The following TSHZ2 variants were observed in gnomAD, a reference collection of about 807,000 sequenced individuals.
The protein encoded by TSHZ2 is teashirt homolog 2.
Under a neutral mutation model 74.4 loss-of-function variants are expected in TSHZ2, and 21 were observed. The observed-to-expected ratio is 0.28, with a 90% CI of 0.20 to 0.41. The LOEUF is 0.41. TSHZ2 is among the 10% of genes least tolerant of loss of function. The pLI is 1.00. For missense variants in TSHZ2, 1,244 were observed against 1,293.5 expected (o/e 0.96, Z 0.59); for synonymous variants, 540 against 515.3 (o/e 1.05, Z -0.65).
At chr20:53,126,973 CAGAG>C (rs1039084971) in intron 1 of TSHZ2, among the ~76,000 whole-genome samples, 11 of 150,844 alleles carry the variant, frequency 7.3e-5, no homozygotes, top group African/African-American at 2.7e-4. Flanking sequence ...CAACATGTAG[CAGAG>C]AGACTGGCTT....
intron 2 of TSHZ2, among the ~76,000 whole-genome samples, chr20:53,384,904 C>T (rs1981988614): frequency 6.6e-6 from 1 of 152,144 alleles, no homozygotes; most frequent in South Asian, 2.1e-4. Flanking sequence ...GGGTGGGTCA[C>T]GAGGTCAGGA....
At chr20:53,238,350 C>G (rs574236794) in intron 1 of TSHZ2, among the ~76,000 whole-genome samples, 1 of 152,172 alleles carries the variant, frequency 6.6e-6, no homozygotes, top group Admixed American at 6.5e-5. Context: ...AGGGGAGGAA[C>G]TAGTATGTCT....
chr20:53,266,665 C>T (rs1990721960), intron 2 of TSHZ2, among the ~76,000 whole-genome samples: 1 of 151,958 alleles, frequency 6.6e-6, no homozygotes, highest in African/African-American at 2.4e-5. Context: ...TGTGCATGTA[C>T]TTTTTTCTCA....
intron 1 of TSHZ2, among the ~76,000 whole-genome samples, chr20:53,028,428 C>G (rs902042057): frequency 1.8e-4 from 27 of 152,358 alleles, no homozygotes; most frequent in African/African-American, 6.5e-4. Context: ...GAACCCTGGG[C>G]TTTGTTTATT....
At chr20:53,107,560 A>G (rs1412562272) in intron 1 of TSHZ2, among the ~76,000 whole-genome samples, 1 of 152,212 alleles carries the variant, frequency 6.6e-6, no homozygotes, top group African/African-American at 2.4e-5. Flanking sequence ...TTTCTGAGCC[A>G]AAATCAGGAC....
chr20:53,201,451 A>G (rs1989002119), intron 1 of TSHZ2, among the ~76,000 whole-genome samples: 3 of 152,066 alleles, frequency 2.0e-5, no homozygotes, highest in Admixed American at 2.0e-4. Context: ...CTGCTGTCGT[A>G]TCACCTTCCC....
At chr20:53,204,360 C>CTAT (rs1453752816) in intron 1 of TSHZ2, among the ~76,000 whole-genome samples, 2 of 143,876 alleles carry the variant, frequency 1.4e-5, no homozygotes, top group African/African-American at 5.1e-5. Context: ...TGATATGATA[C>CTAT]TATATCATCA....
intron 2 of TSHZ2, among the ~76,000 whole-genome samples, chr20:53,464,763 C>T (rs1279306479): frequency 6.6e-6 from 1 of 152,082 alleles, no homozygotes; most frequent in East Asian, 1.9e-4. Flanking sequence ...CCACCACGCC[C>T]AGTCAGTATT....
chr20:53,174,880 A>G (rs888500323), intron 1 of TSHZ2, among the ~76,000 whole-genome samples: 4 of 152,180 alleles, frequency 2.6e-5, no homozygotes, highest in Admixed American at 1.3e-4. Context: ...GAAGGAGGAA[A>G]TGGATCAAGA....
chr20:53,256,314 A>G lies in TSHZ2; in HGVS notation c.2856A>G (p.Gln952=), dbSNP rs1451466192. 2.5e-5 allele frequency: 40 copies of G among 1,614,080 alleles called. No individual in the cohort carries two copies. The highest frequency in any genetic ancestry group is 3.3e-5 in the Non-Finnish European group (39 of 1,179,942). ...ISHLESHLGF[Q]MKDMTRLSVD... is the part of the protein sequence containing the mutation. ...ACTTAGAATCTCACCTGGGTTTCCA[A>G]ATGAAGGACATGACCCGCTTGTCAG... is the stretch of plus-strand genomic sequence containing the variant. Residue 952 remains glutamine (Q), a synonymous_variant, in exon 2 of 3, where the codon CAA becomes CAG. Transcript: ENST00000371497. This position sits in a 1 kb window ranked among gnomAD's most constrained non-coding sequence, Gnocchi z 4.3.
chr20:52,986,496 G>A (rs1447850444), intron 1 of TSHZ2, among the ~76,000 whole-genome samples: 1 of 151,680 alleles, frequency 6.6e-6, no homozygotes, highest in Non-Finnish European at 1.5e-5. Flanking sequence ...ATGGGAAGCC[G>A]AGGTGGCAGA....
Position 53,487,507 on chromosome 20 carries a change from G to A in TSHZ2, c.*372G>A, listed in dbSNP as rs1393343317. On this transcript the variant is annotated 3_prime_UTR_variant, in exon 3 of 3. Coordinates refer to ENST00000371497, the MANE Select transcript of TSHZ2 (RefSeq NM_173485.6). ...ATTGATGTACTTATTTTGTCAGTTT[G>A]TAACAGGAAAGTGGGGGGGAGTCTA... is the stretch of plus-strand genomic sequence containing the variant. 1 of 152,142 alleles carries A rather than the reference G, an allele frequency of 6.6e-6. No individual in the cohort carries two copies. Among genetic ancestry groups the A allele is most frequent in the Non-Finnish European group, 1.5e-5 (1 of 68,032 alleles). The allele number at this position is 152,142 out of a possible 1,614,324, so 9.4% of individuals were successfully genotyped here.
chr20:53,016,476 A>G (rs1285509197), intron 1 of TSHZ2, among the ~76,000 whole-genome samples: 4 of 152,224 alleles, frequency 2.6e-5, no homozygotes, highest in Non-Finnish European at 1.5e-5. Flanking sequence ...TAAAGCAATT[A>G]AAGTGAACAG....
intron 1 of TSHZ2, among the ~76,000 whole-genome samples, chr20:53,131,021 T>C (rs568834432): frequency 8.5e-5 from 13 of 152,344 alleles, no homozygotes; most frequent in Middle Eastern, 3.4e-3. Flanking sequence ...GTGACTAATA[T>C]CACTTTCAGT....
At chr20:52,973,392 C>T (rs1981203541) in intron 1 of TSHZ2, 59 bp downstream of exon 1, 3 of 1,545,342 alleles carry the variant, frequency 1.9e-6, no homozygotes, top group African/African-American at 1.4e-5. Flanking sequence ...CGCCCGCCCT[C>T]CTTGCCCCTG....
At chr20:53,118,435 C>G (rs1986726259) in intron 1 of TSHZ2, among the ~76,000 whole-genome samples, 1 of 152,018 alleles carries the variant, frequency 6.6e-6, no homozygotes. Context: ...AAAACAAAAA[C>G]TTACGAGAGA....
intron 1 of TSHZ2, among the ~76,000 whole-genome samples, chr20:53,158,144 C>T (rs941380371): frequency 6.6e-6 from 1 of 152,094 alleles, no homozygotes; most frequent in Admixed American, 6.5e-5. Flanking sequence ...AGAAAACAGC[C>T]AAGACCCGGA....
intron 2 of TSHZ2, among the ~76,000 whole-genome samples, chr20:53,303,193 A>G (rs954589519): frequency 1.3e-5 from 2 of 152,222 alleles, no homozygotes; most frequent in African/African-American, 4.8e-5. Flanking sequence ...GAAAATTTCA[A>G]AACTTTAGAC....
At chr20:53,092,696 G>A (rs1020397731) in intron 1 of TSHZ2, among the ~76,000 whole-genome samples, 6 of 152,190 alleles carry the variant, frequency 3.9e-5, no homozygotes, top group Non-Finnish European at 5.9e-5. Flanking sequence ...AGAACGGAGT[G>A]GGAAAGGATC....
Sources: gnomAD v4.1 joint callset for allele counts (sites outside exome capture counted in the v4.1 genomes callset) on GRCh38, gnomAD v4.1.1 for gene constraint, Gnocchi (gnomAD v3.1) non-coding constraint, MANE v1.5 for transcripts, NCBI Gene and HGNC (gene_info 2026-07-23, HGNC 2026-07-21) for gene names.